Variants in RPS6KC1 observed in about 807,000 individuals in gnomAD.
The protein encoded by RPS6KC1 is inactive ribosomal protein S6 kinase delta-1.
RPS6KC1 carries 54 observed loss-of-function variants against 103.8 expected under a neutral mutation model. The observed-to-expected ratio is 0.52, with a 90% CI of 0.42 to 0.65. RPS6KC1 has a LOEUF of 0.65. RPS6KC1 is among the 30% of genes least tolerant of loss of function. RPS6KC1 has a pLI of 0.00. For missense variants in RPS6KC1, 1,151 were observed against 1,253.8 expected, an observed-to-expected ratio of 0.92 and a Z score of 1.24; for synonymous variants, 439 against 438.7, an observed-to-expected ratio of 1.00 and a Z score of -0.01.
chr1:213,516,223 C>T, the RPS6KC1 span, among the ~76,000 whole-genome samples: 9 of 152,124 alleles, frequency 5.9e-5, no homozygotes, highest in African/African-American at 2.2e-4. Context: ...CCCTTTATTT[C>T]CTTCTCCTGC....
chr1:213,382,533 CTTTTT>C, the RPS6KC1 span, among the ~76,000 whole-genome samples: 4 of 134,370 alleles, frequency 3.0e-5, no homozygotes, highest in Non-Finnish European at 3.2e-5. Flanking sequence ...TTCACTCCAT[CTTTTT>C]TTTTTTTTTT....
chr1:213,571,701 C>T, the RPS6KC1 span, among the ~76,000 whole-genome samples: 1 of 152,174 alleles, frequency 6.6e-6, no homozygotes, highest in East Asian at 1.9e-4. Context: ...CTGGGCGTCA[C>T]ACCACAGTTC....
chr1:213,682,562 T>C, the RPS6KC1 span, among the ~76,000 whole-genome samples: 1 of 152,238 alleles, frequency 6.6e-6, no homozygotes, highest in African/African-American at 2.4e-5. Flanking sequence ...GAAAAATTGC[T>C]GAAAAGTGAT....
the RPS6KC1 span, among the ~76,000 whole-genome samples, chr1:213,385,264 G>T: frequency 6.6e-6 from 1 of 152,206 alleles, no homozygotes; most frequent in Non-Finnish European, 1.5e-5. Flanking sequence ...AACAGTGTTT[G>T]CAGGAGAAGG....
At chr1:213,503,152 G>T in the RPS6KC1 span, among the ~76,000 whole-genome samples, 3 of 141,868 alleles carry the variant, frequency 2.1e-5, no homozygotes, top group Admixed American at 7.1e-5. Flanking sequence ...CTACTTTATT[G>T]TTGCAGCTCC....
the RPS6KC1 span, among the ~76,000 whole-genome samples, chr1:213,284,987 G>C: frequency 6.6e-6 from 1 of 152,190 alleles, no homozygotes; most frequent in Admixed American, 6.5e-5. Context: ...TAAGTATAAA[G>C]GGCACATGTG....
chr1:213,279,835 G>A, the RPS6KC1 span, among the ~76,000 whole-genome samples: 13 of 152,248 alleles, frequency 8.5e-5, 1 homozygote, highest in South Asian at 1.7e-3. Context: ...GGTCATCAAC[G>A]TTAGGATTAC....
rs912684123 is a variant in RPS6KC1, at chr1:213,171,352, CT to C, written c.951+3391del. On this transcript the variant is annotated intron_variant, in intron 7 of 14. Coordinates refer to ENST00000366960, the MANE Select transcript of RPS6KC1 (RefSeq NM_012424.6). ...TTAACTGAAGGAGACAGATTTCTTT[CT>C]TTTTTTTTTTTCAAATAAATCCTAG... 5.5e-3 allele frequency among the ~76,000 whole-genome samples: 761 copies of C among 138,192 alleles called. 7 individuals carry two copies. The highest frequency in any genetic ancestry group is 0.017 in the African/African-American group (647 of 37,902). 90.7% of individuals were successfully genotyped at this position (138,192 alleles called of 152,430 possible). A position where few individuals can be genotyped will look rare whatever the true frequency, so the allele number is the denominator to read the frequency against.
At chr1:213,804,862 T>G in the RPS6KC1 span, among the ~76,000 whole-genome samples, 2 of 152,144 alleles carry the variant, frequency 1.3e-5, no homozygotes, top group African/African-American at 4.8e-5. Context: ...ACAGAAAATG[T>G]TTATTTGAGG....
the RPS6KC1 span, among the ~76,000 whole-genome samples, chr1:213,378,817 C>T: frequency 2.0e-5 from 3 of 152,276 alleles, no homozygotes; most frequent in Non-Finnish European, 2.9e-5. Flanking sequence ...GCCCTTCCTC[C>T]GACATCCATC....
the RPS6KC1 span, among the ~76,000 whole-genome samples, chr1:213,315,088 A>G: frequency 3.3e-5 from 5 of 152,230 alleles, no homozygotes; most frequent in Non-Finnish European, 7.3e-5. Flanking sequence ...ATGATTTTAA[A>G]TGATGTGATA....
At chr1:213,135,747 T>C (rs2086200098) in intron 6 of RPS6KC1, among the ~76,000 whole-genome samples, 2 of 152,218 alleles carry the variant, frequency 1.3e-5, no homozygotes, top group African/African-American at 4.8e-5. Context: ...TGTTTTTTCC[T>C]TTCTTTAGTT....
chr1:213,444,206 C>G, the RPS6KC1 span, among the ~76,000 whole-genome samples: 2 of 152,130 alleles, frequency 1.3e-5, no homozygotes, highest in South Asian at 4.1e-4. Flanking sequence ...CCAAATTTCC[C>G]CTTTTCATAA....
the RPS6KC1 span, among the ~76,000 whole-genome samples, chr1:213,377,097 T>A: frequency 1.3e-5 from 2 of 152,214 alleles, no homozygotes; most frequent in Non-Finnish European, 2.9e-5. Flanking sequence ...GTTTGCAACA[T>A]CCTGTGACTT....
chr1:213,765,574 A>G, the RPS6KC1 span, among the ~76,000 whole-genome samples: 4 of 152,168 alleles, frequency 2.6e-5, no homozygotes, highest in African/African-American at 7.2e-5. Context: ...CCCCCAGTAC[A>G]GCTCTGTCAT....
chr1:213,792,991 TA>T, the RPS6KC1 span, among the ~76,000 whole-genome samples: 2 of 152,180 alleles, frequency 1.3e-5, 1 homozygote, highest in South Asian at 4.1e-4. Context: ...TGATGAGAAA[TA>T]AAATAGCAAA....
At chr1:213,083,621 G>T (rs1201133162) in intron 3 of RPS6KC1, among the ~76,000 whole-genome samples, 1 of 152,154 alleles carries the variant, frequency 6.6e-6, no homozygotes, top group Non-Finnish European at 1.5e-5. Context: ...TTGAATTGCT[G>T]CCATAATGGG....
At position 213,083,198 on chromosome 1, in the gene RPS6KC1, G is replaced by C. The variant is rs1572411915; in HGVS notation, c.262+5382G>C. Among the ~76,000 whole-genome samples the C allele has an allele frequency of 2.6e-5, 4 of 152,288 alleles. No individual in the cohort carries two copies. The South Asian group carries it at 8.3e-4, about 32-fold the overall frequency. On this transcript the variant is annotated intron_variant, in intron 3 of 14. Transcript: ENST00000366960. ...TTGTCTCCCCCAAATTTTACTGGAA[G>C]GAAGGCTAAAAACAACCACGAAGCC...
intron 8 of RPS6KC1, among the ~76,000 whole-genome samples, chr1:213,209,695 CAAAAAA>C (rs60840755): frequency 5.0e-4 from 27 of 54,150 alleles, no homozygotes; most frequent in South Asian, 2.6e-3. Context: ...AACTCCGTCT[CAAAAAA>C]AAAAAAAAAA....
Sources: allele counts gnomAD v4.1 joint callset (sites outside exome capture counted in the v4.1 genomes callset), GRCh38; gene constraint gnomAD v4.1.1; transcripts MANE v1.5; gene names NCBI Gene and HGNC (gene_info 2026-07-23, HGNC 2026-07-21).